The following DOCK10 variants were observed in gnomAD, a reference collection of about 807,000 sequenced individuals.
The protein encoded by DOCK10 is dedicator of cytokinesis 10.
A neutral mutation model predicts 280.1 loss-of-function variants in DOCK10; 145 were observed. The ratio of observed to expected loss-of-function variants is 0.52; its 90% CI spans 0.45 to 0.59. The LOEUF is 0.59. Ranked by LOEUF, DOCK10 falls within the 20% of genes least tolerant of loss-of-function variation. The pLI, the probability that DOCK10 is intolerant of heterozygous loss-of-function variation, is 0.00. For missense variants in DOCK10, 2,368 were observed against 2,651.7 expected, an observed-to-expected ratio of 0.89 and a Z score of 2.35; for synonymous variants, 915 against 942.2, an observed-to-expected ratio of 0.97 and a Z score of 0.53.
rs975896435 is a variant in DOCK10, at chr2:224,786,241, G to A, written c.5655+781C>T. The stretch of plus-strand genomic sequence containing the variant: ...GGAAGTGTGAGGTCTGAGAGCCACT[G>A]CCATTCCGAAAATAAAAGCATGGGA... On this transcript the variant is annotated intron_variant, in intron 50 of 55. Transcript: ENST00000258390. This position sits in a 1 kb window ranked among gnomAD's most constrained non-coding sequence, Gnocchi z 4.7. 6.6e-6 allele frequency among the ~76,000 whole-genome samples: 1 copy of A among 152,166 alleles called. No individual in the cohort carries two copies.
At chr2:224,938,652 T>C (rs1033855369) in intron 1 of DOCK10, among the ~76,000 whole-genome samples, 2 of 152,210 alleles carry the variant, frequency 1.3e-5, no homozygotes, top group Non-Finnish European at 2.9e-5. Context: ...AAATGACACA[T>C]GGATTCTTTA....
At chr2:224,989,637 C>T (rs977502384) in intron 1 of DOCK10, among the ~76,000 whole-genome samples, 20 of 152,168 alleles carry the variant, frequency 1.3e-4, no homozygotes, top group African/African-American at 4.8e-4. Context: ...TGAGAATCTT[C>T]TTCCGTGTCT....
chr2:224,787,477 G>T, intron 48 of DOCK10, 80 bp from the exon 49 acceptor site: 5 of 1,560,834 alleles, frequency 3.2e-6, no homozygotes, highest in Non-Finnish European at 4.4e-6. Flanking sequence ...CCAAGCTGTT[G>T]CATTGTCAAA....
intron 11 of DOCK10, among the ~76,000 whole-genome samples, chr2:224,872,276 C>T (rs779604886): frequency 1.2e-4 from 18 of 152,160 alleles, no homozygotes; most frequent in South Asian, 2.1e-4. Context: ...AAGTATTTAA[C>T]GAATGCTTAC....
intron 3 of DOCK10, among the ~76,000 whole-genome samples, chr2:224,905,840 C>T (rs1301684376): frequency 6.6e-6 from 1 of 152,134 alleles, no homozygotes; most frequent in Non-Finnish European, 1.5e-5. Context: ...TCTTTGCCTG[C>T]CCCTTAGTGA....
In DOCK10 at chr2:224,852,927, T is replaced by C. The variant is rs2079278100; in HGVS notation, c.2076+8A>G. ...GAAAAGATGATATCTCTGGAACTTA[T>C]ATCATACCTTGTTGAAGCATTTCTG... On this transcript the variant is annotated splice_region_variant and intron_variant, in intron 17 of 55. Transcript: ENST00000258390. 3.8e-6 allele frequency: 6 copies of C among 1,581,692 alleles called. No individual in the cohort carries two copies. In the African/African-American group the frequency reaches 6.7e-5, roughly 18 times the overall value.
chr2:224,798,591 T>C (rs1483934941), intron 41 of DOCK10, among the ~76,000 whole-genome samples: 1 of 152,046 alleles, frequency 6.6e-6, no homozygotes, highest in African/African-American at 2.4e-5. Context: ...TATGCTGTTC[T>C]GTGTAGACTT....
At chr2:224,831,186 C>G (rs1275155603) in intron 26 of DOCK10, among the ~76,000 whole-genome samples, 1 of 152,122 alleles carries the variant, frequency 6.6e-6, no homozygotes, top group Non-Finnish European at 1.5e-5. Context: ...CCTCCCGCCT[C>G]AGCCTCCCAA....
chr2:224,956,066 A>G (rs1233277919), intron 1 of DOCK10, among the ~76,000 whole-genome samples: 2 of 152,230 alleles, frequency 1.3e-5, no homozygotes, highest in Non-Finnish European at 2.9e-5. Context: ...TGACAAATGA[A>G]GAATATGGGT....
intron 13 of DOCK10, 44 bp from the exon 14 acceptor site, chr2:224,862,790 A>G (rs1315939208): frequency 1.1e-5 from 13 of 1,174,964 alleles, no homozygotes; most frequent in African/African-American, 4.8e-5. Context: ...ATAGCACTTT[A>G]TAAACTGTAC....
intron 1 of DOCK10, among the ~76,000 whole-genome samples, chr2:224,944,825 C>A (rs1703302184): frequency 6.6e-6 from 1 of 152,240 alleles, no homozygotes; most frequent in South Asian, 2.1e-4. Context: ...AAGCAGGCAA[C>A]TGTAGCACGG....
intron 48 of DOCK10, 75 bp from the exon 49 acceptor site, chr2:224,787,472 C>G (rs1691814035): frequency 2.5e-6 from 4 of 1,574,040 alleles, no homozygotes; most frequent in Non-Finnish European, 3.5e-6. Flanking sequence ...GGTTTCCAAG[C>G]TGTTGCATTG....
rs192454212 is a variant in DOCK10 at position 224,996,802 on chromosome 2, G to C, written c.123+45450C>G. On this transcript the variant is annotated intron_variant, in intron 1 of 55. Transcript: ENST00000258390. Reference sequence around the variant, plus strand: ...AGGCAGGTTGGCAGATTAAATTTCAGGGTGAAAGGAGATGCAGGCCCCAGA... The same window carrying C: ...AGGCAGGTTGGCAGATTAAATTTCACGGTGAAAGGAGATGCAGGCCCCAGA... Among the ~76,000 whole-genome samples the C allele has an allele frequency of 9.8e-5, 15 of 152,320 alleles. No individual in the cohort carries two copies. The East Asian group carries it at 2.9e-3, about 29-fold the overall frequency.
chr2:225,023,201 G>T (rs1336236430), intron 1 of DOCK10, among the ~76,000 whole-genome samples: 1 of 151,964 alleles, frequency 6.6e-6, no homozygotes, highest in African/African-American at 2.4e-5. Flanking sequence ...ACGCCTGGCT[G>T]ATTTTTGTGT....
intron 7 of DOCK10, 59 bp downstream of exon 7, chr2:224,885,612 G>T: frequency 6.7e-7 from 1 of 1,484,218 alleles, no homozygotes; most frequent in Non-Finnish European, 9.0e-7. Flanking sequence ...ATGAATATTT[G>T]TTAAATATAC....
intron 2 of DOCK10, among the ~76,000 whole-genome samples, chr2:224,930,848 A>G (rs558154340): frequency 1.2e-4 from 18 of 152,370 alleles, no homozygotes; most frequent in Non-Finnish European, 2.4e-4. Context: ...TTTGACAGTT[A>G]GATATTAGAT....
intron 38 of DOCK10, among the ~76,000 whole-genome samples, chr2:224,804,492 G>A (rs374698074): frequency 4.6e-5 from 7 of 150,600 alleles, no homozygotes; most frequent in Middle Eastern, 6.8e-3. Context: ...TTCTGAAATA[G>A]GTATCTTCCA....
chr2:224,977,521 T>C (rs1429431087), intron 1 of DOCK10, among the ~76,000 whole-genome samples: 2 of 152,200 alleles, frequency 1.3e-5, no homozygotes, highest in Admixed American at 1.3e-4. Context: ...ATAGTAAATC[T>C]ACATAAATTG....
chr2:224,768,428 G>C (rs756610757), intron 55 of DOCK10, among the ~76,000 whole-genome samples: 3 of 152,072 alleles, frequency 2.0e-5, no homozygotes, highest in Non-Finnish European at 4.4e-5. Flanking sequence ...CTATAACAAG[G>C]CCTGTGCAAT....
Sources: gnomAD v4.1 joint callset for allele counts (sites outside exome capture counted in the v4.1 genomes callset) on GRCh38, gnomAD v4.1.1 for gene constraint, Gnocchi (gnomAD v3.1) non-coding constraint, MANE v1.5 for transcripts, NCBI Gene and HGNC (gene_info 2026-07-23, HGNC 2026-07-21) for gene names.